PPDPFL: variants seen among roughly 807,000 people sequenced by gnomAD.
PPDPFL encodes pancreatic progenitor cell differentiation and proliferation factor-like protein.
Under a neutral mutation model 12.6 loss-of-function variants are expected in PPDPFL, and 12 were observed. The observed-to-expected ratio is 0.95, with a 90% CI of 0.61 to 1.54. PPDPFL has a LOEUF of 1.54. Among genes scored for constraint, PPDPFL ranks in the 40% most tolerant of loss-of-function variants. The pLI is 0.00. For missense variants in PPDPFL, 114 were observed against 96.0 expected, an observed-to-expected ratio of 1.19 and a Z score of -0.78; for synonymous variants, 24 against 32.7, an observed-to-expected ratio of 0.73 and a Z score of 0.91.
upstream of PPDPFL, among the ~76,000 whole-genome samples, chr8:49,068,487 C>G (rs540013044): frequency 2.6e-5 from 4 of 152,264 alleles, no homozygotes; most frequent in African/African-American, 9.6e-5. Context: ...ACAGAATGCA[C>G]ATGGAATGAT....
Position 49,057,273 on chromosome 8 carries a change from T to A in PPDPFL, c.-45+2904T>A, listed in dbSNP as rs572293553. ...AAATATTTATCAACATTTTTATTAGTCTGAATGAAGGGTCGTGAATTTTGG... is the reference window on the plus strand; with the variant it reads ...AAATATTTATCAACATTTTTATTAGACTGAATGAAGGGTCGTGAATTTTGG... On this transcript the variant is annotated intron_variant, in intron 1 of 4. Coordinates refer to the PPDPFL transcript ENST00000517663. Among the ~76,000 whole-genome samples the A allele has an allele frequency of 1.7e-3, 256 of 152,292 alleles. 1 individual carries two copies. The highest frequency in any genetic ancestry group is 5.5e-3 in the African/African-American group (229 of 41,574).
At chr8:49,057,676 A>G (rs188016155) in intron 1 of PPDPFL, among the ~76,000 whole-genome samples, 180 of 152,262 alleles carry the variant, frequency 1.2e-3, no homozygotes, top group Middle Eastern at 0.01. Flanking sequence ...CTGTATTTTA[A>G]TGATCAAGGG....
At chr8:49,067,748 C>A (rs181362063), upstream of PPDPFL, among the ~76,000 whole-genome samples, 33 of 152,330 alleles carry the variant, frequency 2.2e-4, no homozygotes, top group Admixed American at 1.0e-3. Context: ...TGAATCCTTT[C>A]TCAACCATTT....
At chr8:49,065,918 G>T (rs1327797744) in intron 1 of PPDPFL, among the ~76,000 whole-genome samples, 1 of 152,216 alleles carries the variant, frequency 6.6e-6, no homozygotes, top group Non-Finnish European at 1.5e-5. Flanking sequence ...ATAACAATAA[G>T]AACATGATAC....
At position 49,075,373 on chromosome 8, in the gene PPDPFL, T is replaced by A. The variant is rs1006594637; in HGVS notation, c.*200T>A. 2 of 1,103,170 alleles carry A rather than the reference T, an allele frequency of 1.8e-6. No homozygotes were observed. Among genetic ancestry groups the A allele is most frequent in the Admixed American group, 1.7e-5 (1 of 57,778 alleles). The allele number at this position is 1,103,170 out of a possible 1,614,324, so 68.3% of individuals were successfully genotyped here. ...ACAGAAATGTGTCTGAGATCTCATT[T>A]ATGAGACAAGATCACAGCAGCCACT... On this transcript the variant is annotated 3_prime_UTR_variant, in exon 5 of 5. Coordinates refer to ENST00000522267, the MANE Select transcript of PPDPFL (RefSeq NM_001256597.2).
At chr8:49,074,540 C>G (rs1343345299) in intron 4 of PPDPFL, 1 of 1,536,876 alleles carries the variant, frequency 6.5e-7, no homozygotes, top group Non-Finnish European at 8.7e-7. Context: ...AGCACCCTTT[C>G]CAGTTCAATC....
rs7005693 is a variant in PPDPFL at position 49,075,406 on chromosome 8, A to C, written c.*233A>C. 0.53 allele frequency: 449,188 copies of C among 840,964 alleles called. 125,430 individuals carry two copies. The highest frequency in any genetic ancestry group is 0.86 in the East Asian group (34,096 of 39,798). The allele number at this position is 840,964 out of a possible 1,614,324, so 52.1% of individuals were successfully genotyped here. On this transcript the variant is annotated 3_prime_UTR_variant, in exon 5 of 5. Transcript: ENST00000522267. Reference sequence around the variant, plus strand: ...AAGATCACAGCAGCCACTGATATAAAAAAAGTTTAGGCATTTTTCTCAACA... The same window carrying C: ...AAGATCACAGCAGCCACTGATATAACAAAAGTTTAGGCATTTTTCTCAACA...
chr8:49,064,133 C>CA (rs903352224), intron 1 of PPDPFL, among the ~76,000 whole-genome samples: 13 of 152,082 alleles, frequency 8.5e-5, no homozygotes, highest in South Asian at 2.1e-4. Context: ...CTCAGGAATG[C>CA]AAAAAAACAT....
Position 49,075,349 on chromosome 8 carries a change from C to T in PPDPFL, c.*176C>T. Reference sequence around the variant, plus strand: ...AGGACTCTTCTCCATTGTAAGAAGACAGAAATGTGTCTGAGATCTCATTTA... The same window carrying T: ...AGGACTCTTCTCCATTGTAAGAAGATAGAAATGTGTCTGAGATCTCATTTA... On this transcript the variant is annotated 3_prime_UTR_variant, in exon 5 of 5. Coordinates refer to ENST00000522267, the MANE Select transcript of PPDPFL (RefSeq NM_001256597.2). 7.7e-7 allele frequency: 1 copy of T among 1,297,486 alleles called. No homozygotes were observed. The highest frequency in any genetic ancestry group is 2.3e-5 in the East Asian group (1 of 43,540). 80.4% of individuals were successfully genotyped at this position (1,297,486 alleles called of 1,614,324 possible).
At chr8:49,069,791 C>T (rs559075875), upstream of PPDPFL, among the ~76,000 whole-genome samples, 22 of 152,046 alleles carry the variant, frequency 1.4e-4, no homozygotes, top group East Asian at 5.8e-4. Context: ...AAAAATTAGT[C>T]GGGCATGGTA....
At chr8:49,074,979 A>G (rs1194048823) in intron 4 of PPDPFL, 173 bp from the exon 5 acceptor site, 2 of 1,371,382 alleles carry the variant, frequency 1.5e-6, no homozygotes, top group Non-Finnish European at 1.9e-6. Flanking sequence ...CAAATTTAGA[A>G]TCATTATTTA....
At position 49,059,958 on chromosome 8, in the gene PPDPFL, G is replaced by A. The variant is rs116283915; in HGVS notation, c.-45+5589G>A. Among the ~76,000 whole-genome samples the A allele has an allele frequency of 2.2e-3, 335 of 152,098 alleles. 1 individual carries two copies. The highest frequency in any genetic ancestry group is 7.0e-3 in the African/African-American group (290 of 41,474). On this transcript the variant is annotated intron_variant, in intron 1 of 4. Coordinates refer to the PPDPFL transcript ENST00000517663. ...TGGAGTGAAGTTCAAAAACCATTCC[G>A]GGCTTTGGACCATCTGATAAAAGTT...
chr8:49,058,268 T>C (rs1353886214), intron 1 of PPDPFL, among the ~76,000 whole-genome samples: 1 of 152,192 alleles, frequency 6.6e-6, no homozygotes, highest in African/African-American at 2.4e-5. Context: ...CTTAAAAGAT[T>C]AACAGTTTAT....
At chr8:49,064,781 A>T (rs1172739671) in intron 1 of PPDPFL, among the ~76,000 whole-genome samples, 2 of 152,224 alleles carry the variant, frequency 1.3e-5, no homozygotes, top group Non-Finnish European at 2.9e-5. Context: ...TATCAAAATA[A>T]GCAGCTTCCT....
At chr8:49,057,699 A>C (rs1049859718) in intron 1 of PPDPFL, among the ~76,000 whole-genome samples, 6 of 152,128 alleles carry the variant, frequency 3.9e-5, no homozygotes, top group African/African-American at 1.4e-4. Context: ...GTTAGTTTTA[A>C]TGAAGTTCAC....
At chr8:49,066,181 G>A (rs1394060603) in intron 1 of PPDPFL, among the ~76,000 whole-genome samples, 4 of 152,142 alleles carry the variant, frequency 2.6e-5, no homozygotes, top group Admixed American at 6.5e-5. Flanking sequence ...TTGCCTAGTC[G>A]GGTGGATGAT....
At chr8:49,062,801 A>G (rs912192594) in intron 1 of PPDPFL, among the ~76,000 whole-genome samples, 8 of 152,186 alleles carry the variant, frequency 5.3e-5, no homozygotes, top group African/African-American at 1.7e-4. Flanking sequence ...CTTCATTTGT[A>G]CAATAAAAAT....
At chr8:49,073,998 T>C in intron 2 of PPDPFL, 61 bp from the exon 3 acceptor site, 2 of 1,077,122 alleles carry the variant, frequency 1.9e-6, no homozygotes, top group Admixed American at 3.6e-5. Flanking sequence ...ATATAAATGA[T>C]GCGGATTTGC....
intron 1 of PPDPFL, among the ~76,000 whole-genome samples, chr8:49,059,766 T>A (rs1455354940): frequency 6.6e-6 from 1 of 152,242 alleles, no homozygotes; most frequent in African/African-American, 2.4e-5. Context: ...CAACTACTGA[T>A]CTTGTTACAT....
Sources: allele counts gnomAD v4.1 joint callset (sites outside exome capture counted in the v4.1 genomes callset), GRCh38; gene constraint gnomAD v4.1.1; transcripts MANE v1.5; gene names NCBI Gene and HGNC (gene_info 2026-07-23, HGNC 2026-07-21).